The following GASK1A variants were observed in gnomAD, a reference collection of about 807,000 sequenced individuals.
GASK1A encodes the protein Golgi-associated kinase 1A.
A neutral mutation model predicts 41.2 loss-of-function variants in GASK1A; 40 were observed. The ratio of observed to expected loss-of-function variants is 0.97; its 90% CI spans 0.75 to 1.27. The LOEUF is 1.27. GASK1A is among the 50% of genes most tolerant of loss of function. The probability of loss-of-function intolerance (pLI) is 0.00; values close to 1 mark genes in which losing one functional copy is unlikely to be tolerated. For synonymous variants in GASK1A, 316 were observed against 307.1 expected, an observed-to-expected ratio of 1.03 and a Z score of -0.30; for missense variants, 678 against 745.1, an observed-to-expected ratio of 0.91 and a Z score of 1.05.
At chr3:43,030,119 A>G (rs1385591126) in intron 1 of GASK1A, among the ~76,000 whole-genome samples, 1 of 152,150 alleles carries the variant, frequency 6.6e-6, no homozygotes, top group African/African-American at 2.4e-5. Context: ...GCCAGGTTCA[A>G]GTGATTCTCC....
chr3:43,023,716 T>C (rs2089532713), intron 1 of GASK1A, among the ~76,000 whole-genome samples: 1 of 152,098 alleles, frequency 6.6e-6, no homozygotes, highest in Admixed American at 6.5e-5. Context: ...TTCAGAAAAA[T>C]CATCAGATAA....
chr3:43,010,663 C>T (rs2089458926), intron 1 of GASK1A, among the ~76,000 whole-genome samples: 1 of 152,194 alleles, frequency 6.6e-6, no homozygotes, highest in Admixed American at 6.5e-5. Flanking sequence ...GGTCTTGTCT[C>T]CCTGTGTACC....
intron 1 of GASK1A, among the ~76,000 whole-genome samples, chr3:43,022,295 C>T (rs560627338): frequency 6.6e-6 from 1 of 152,258 alleles, no homozygotes; most frequent in Admixed American, 6.5e-5. Context: ...TGCTCATGGC[C>T]GTTTTGAACT....
chr3:43,007,433 C>G (rs1300079800), intron 1 of GASK1A, among the ~76,000 whole-genome samples: 1 of 152,196 alleles, frequency 6.6e-6, no homozygotes, highest in Non-Finnish European at 1.5e-5. Flanking sequence ...GGGGCAGCTG[C>G]CTGACTTCAC....
At chr3:43,020,171 GA>G (rs1382451831) in intron 1 of GASK1A, among the ~76,000 whole-genome samples, 1 of 151,922 alleles carries the variant, frequency 6.6e-6, no homozygotes, top group Non-Finnish European at 1.5e-5. Flanking sequence ...ATCCTGATTG[GA>G]TTTCCCCAAA....
intron 1 of GASK1A, among the ~76,000 whole-genome samples, chr3:43,003,292 C>T (rs1311280401): frequency 2.0e-5 from 3 of 151,998 alleles, no homozygotes; most frequent in Non-Finnish European, 2.9e-5. Context: ...GTCAGGAGTT[C>T]GAGACCAGCC....
chr3:43,036,113 T>C (rs1559405597), intron 2 of GASK1A, among the ~76,000 whole-genome samples: 1 of 152,224 alleles, frequency 6.6e-6, no homozygotes, highest in East Asian at 1.9e-4. Flanking sequence ...CCTCTCAGGG[T>C]TGCAGCGTGG....
At chr3:42,995,751 T>C (rs1012662703) in intron 1 of GASK1A, among the ~76,000 whole-genome samples, 2 of 152,202 alleles carry the variant, frequency 1.3e-5, no homozygotes, top group Admixed American at 1.3e-4. Context: ...CCTTCTTCTC[T>C]GAGGTTGCAT....
At chr3:43,046,806 T>C (rs2125691064) in intron 2 of GASK1A, among the ~76,000 whole-genome samples, 1 of 152,350 alleles carries the variant, frequency 6.6e-6, no homozygotes, top group South Asian at 2.1e-4. Flanking sequence ...GTCTTAGGAC[T>C]TGGTGCCCTC....
chr3:42,996,978 C>A (rs1167972406), intron 1 of GASK1A, among the ~76,000 whole-genome samples: 5 of 152,256 alleles, frequency 3.3e-5, no homozygotes, highest in African/African-American at 1.2e-4. Context: ...AGAGAGCTGG[C>A]AGCTGCATGT....
rs111765771 is a variant in GASK1A at position 42,979,402 on chromosome 3, C to T, written c.-241C>T. 1,563 of 401,298 alleles carry T rather than the reference C, an allele frequency of 3.9e-3. 15 individuals are homozygous for T. The highest frequency in any genetic ancestry group is 0.019 in the African/African-American group (925 of 48,668). The allele number at this position is 401,298 out of a possible 1,614,324, so 24.9% of individuals were successfully genotyped here. A position where few individuals can be genotyped will look rare whatever the true frequency, so the allele number is the denominator to read the frequency against. On this transcript the variant is annotated 5_prime_UTR_variant, in exon 1 of 5. Coordinates refer to ENST00000430121, the MANE Select transcript of GASK1A (RefSeq NM_001129908.3). Reference sequence around the variant, plus strand: ...AGATCCCCGTAGATCTCAGTAGATCCGGCGTGTATTCCCCACCCGCGGAGT... The same window carrying T: ...AGATCCCCGTAGATCTCAGTAGATCTGGCGTGTATTCCCCACCCGCGGAGT...
chr3:43,036,737 G>A (rs1270085169), intron 2 of GASK1A, among the ~76,000 whole-genome samples: 1 of 152,154 alleles, frequency 6.6e-6, no homozygotes, highest in African/African-American at 2.4e-5. Context: ...AACTGCCTGT[G>A]GGGAGAAGAG....
intron 1 of GASK1A, among the ~76,000 whole-genome samples, chr3:43,003,753 G>A (rs889834089): frequency 6.6e-6 from 1 of 152,084 alleles, no homozygotes; most frequent in Non-Finnish European, 1.5e-5. Flanking sequence ...TCTTGTCCAT[G>A]TTTTATAATG....
intron 1 of GASK1A, among the ~76,000 whole-genome samples, chr3:43,013,893 GGGAAGTCACAAGAAGTGGCTGTT>G (rs1255321464): frequency 1.3e-5 from 2 of 151,838 alleles, no homozygotes; most frequent in Non-Finnish European, 2.9e-5. Flanking sequence ...AAGGGGCAGT[GGGAAGTCACAAGAAGTGGCTGTT>G]GGAAGTCACA....
At chr3:43,022,885 T>C (rs1355750593) in intron 1 of GASK1A, among the ~76,000 whole-genome samples, 2 of 152,202 alleles carry the variant, frequency 1.3e-5, no homozygotes, top group Non-Finnish European at 2.9e-5. Flanking sequence ...CATTGTGAAA[T>C]ATTATGCAGC....
rs553891010 is a variant in GASK1A at position 42,993,463 on chromosome 3, C to T, written c.3+13818C>T. Among the ~76,000 whole-genome samples, 47 of 152,280 alleles carry T rather than the reference C, an allele frequency of 3.1e-4. No individual in the cohort carries two copies. In the South Asian group the frequency reaches 9.5e-3, roughly 31 times the overall value. ...AAGAAGCACGTGTAGGATTATATCA[C>T]ACGTTTGTTTTTTAGAAGATCTGGA... On this transcript the variant is annotated intron_variant, in intron 1 of 4. Transcript: ENST00000430121.
chr3:43,033,593 G>T, intron 2 of GASK1A, 40 bp downstream of exon 2: 1 of 1,470,076 alleles, frequency 6.8e-7, no homozygotes, highest in South Asian at 1.4e-5. Context: ...AGCTGCGGAG[G>T]TAGGGGGTTC....
At chr3:42,982,681 C>G (rs1256708131) in intron 1 of GASK1A, among the ~76,000 whole-genome samples, 1 of 152,194 alleles carries the variant, frequency 6.6e-6, no homozygotes, top group Non-Finnish European at 1.5e-5. Context: ...AAATGAGGAC[C>G]TGAGTGCCCA....
At chr3:43,042,305 CAAA>C (rs61149633) in intron 2 of GASK1A, among the ~76,000 whole-genome samples, 23 of 132,160 alleles carry the variant, frequency 1.7e-4, no homozygotes, top group African/African-American at 6.2e-4. Context: ...CTTGTCCCTA[CAAA>C]AAAAAAAAAA....
Sources: allele counts gnomAD v4.1 joint callset (sites outside exome capture counted in the v4.1 genomes callset), GRCh38; gene constraint gnomAD v4.1.1; transcripts MANE v1.5; gene names NCBI Gene and HGNC (gene_info 2026-07-23, HGNC 2026-07-21).